NKAIN2: variants seen among roughly 807,000 people sequenced by gnomAD.
The protein encoded by NKAIN2 is sodium/potassium-transporting ATPase subunit beta-1-interacting protein 2.
Under a neutral mutation model 32.6 loss-of-function variants are expected in NKAIN2, and 14 were observed. That is an observed-to-expected ratio of 0.43 (90% CI 0.28 to 0.67). The LOEUF is 0.67. NKAIN2 is among the 30% of genes least tolerant of loss of function. The pLI, the probability that NKAIN2 is intolerant of heterozygous loss-of-function variation, is 0.17. For synonymous variants in NKAIN2, 80 were observed against 87.2 expected, an observed-to-expected ratio of 0.92 and a Z score of 0.46; for missense variants, 198 against 258.3, an observed-to-expected ratio of 0.77 and a Z score of 1.60.
At chr6:124,060,158 C>A (rs1782859739) in intron 1 of NKAIN2, among the ~76,000 whole-genome samples, 1 of 152,120 alleles carries the variant, frequency 6.6e-6, no homozygotes, top group Non-Finnish European at 1.5e-5. Context: ...GCTGTGTGGG[C>A]TAATGGACCA....
intron 3 of NKAIN2, among the ~76,000 whole-genome samples, chr6:124,491,881 C>T (rs1238752613): frequency 6.6e-6 from 1 of 151,804 alleles, no homozygotes; most frequent in Non-Finnish European, 1.5e-5. Flanking sequence ...GAAACAGAAA[C>T]AAGAGTAGTA....
At chr6:124,256,855 G>T (rs1582937106) in intron 1 of NKAIN2, among the ~76,000 whole-genome samples, 1 of 149,102 alleles carries the variant, frequency 6.7e-6, no homozygotes, top group African/African-American at 2.5e-5. Context: ...TTCCTCCTGG[G>T]GTAAACAATG....
chr6:123,829,503 A>C (rs950302188), intron 1 of NKAIN2, among the ~76,000 whole-genome samples: 5 of 152,190 alleles, frequency 3.3e-5, no homozygotes, highest in African/African-American at 1.2e-4. Context: ...AGCTTCCTAC[A>C]TGATGAGTCA....
intron 1 of NKAIN2, among the ~76,000 whole-genome samples, chr6:124,280,899 T>C (rs1242428915): frequency 6.6e-6 from 1 of 152,214 alleles, no homozygotes; most frequent in Admixed American, 6.5e-5. Flanking sequence ...AGAAATATTA[T>C]ATGCAAAGAA....
chr6:124,127,130 T>G (rs1396162330), intron 1 of NKAIN2, among the ~76,000 whole-genome samples: 1 of 152,148 alleles, frequency 6.6e-6, no homozygotes, highest in Non-Finnish European at 1.5e-5. Context: ...GACTTAACAT[T>G]TGGGCATCAG....
chr6:124,708,618 T>C (rs1464466704), intron 4 of NKAIN2, among the ~76,000 whole-genome samples: 1 of 151,038 alleles, frequency 6.6e-6, no homozygotes, highest in African/African-American at 2.4e-5. Context: ...TGAATGGGAG[T>C]TCACTCATGA....
intron 3 of NKAIN2, among the ~76,000 whole-genome samples, chr6:124,566,264 A>T (rs1219277786): frequency 1.3e-5 from 2 of 152,190 alleles, no homozygotes; most frequent in African/African-American, 4.8e-5. Context: ...AAAATCTGGT[A>T]GAGATATTGG....
intron 2 of NKAIN2, among the ~76,000 whole-genome samples, chr6:124,301,529 TG>T (rs1256771386): frequency 6.6e-6 from 1 of 152,122 alleles, no homozygotes; most frequent in African/African-American, 2.4e-5. Context: ...ACTGTGTACC[TG>T]GAAAAGCTGC....
intron 1 of NKAIN2, among the ~76,000 whole-genome samples, chr6:123,998,220 A>T (rs962152235): frequency 2.6e-5 from 4 of 152,172 alleles, no homozygotes; most frequent in Non-Finnish European, 4.4e-5. Context: ...TTAATACAGG[A>T]TTTCTCAGTT....
intron 1 of NKAIN2, among the ~76,000 whole-genome samples, chr6:124,018,987 G>A (rs1780730662): frequency 6.6e-6 from 1 of 152,142 alleles, no homozygotes; most frequent in African/African-American, 2.4e-5. Flanking sequence ...ACATGGCTGG[G>A]GAGGCCTCAC....
intron 3 of NKAIN2, among the ~76,000 whole-genome samples, chr6:124,543,582 G>A (rs1196837180): frequency 6.6e-6 from 1 of 152,102 alleles, no homozygotes; most frequent in African/African-American, 2.4e-5. Flanking sequence ...TAGAAATTTT[G>A]ACTGACACAC....
At chr6:124,447,931 A>G (rs1775960955) in intron 3 of NKAIN2, among the ~76,000 whole-genome samples, 1 of 152,086 alleles carries the variant, frequency 6.6e-6, no homozygotes, top group African/African-American at 2.4e-5. Flanking sequence ...CCTTTGCACT[A>G]GAGTAAATTC....
intron 6 of NKAIN2, among the ~76,000 whole-genome samples, chr6:124,822,732 A>C (rs1018017563): frequency 1.3e-5 from 2 of 152,012 alleles, no homozygotes; most frequent in Non-Finnish European, 2.9e-5. Flanking sequence ...GTTGCTGCAC[A>C]AAAAAAATCC....
chr6:124,806,952 A>C (rs1031430371), intron 5 of NKAIN2, among the ~76,000 whole-genome samples: 1 of 152,212 alleles, frequency 6.6e-6, no homozygotes, highest in Non-Finnish European at 1.5e-5. Context: ...TCCTAAATAT[A>C]TATGCATCCA....
intron 1 of NKAIN2, among the ~76,000 whole-genome samples, chr6:123,906,555 G>T (rs555834128): frequency 6.6e-6 from 1 of 152,140 alleles, no homozygotes; most frequent in South Asian, 2.1e-4. Flanking sequence ...AGCCTCCCAA[G>T]GTGCTGGGAT....
chr6:124,547,332 G>T (rs1275479958), intron 3 of NKAIN2, among the ~76,000 whole-genome samples: 4 of 151,898 alleles, frequency 2.6e-5, no homozygotes, highest in African/African-American at 9.7e-5. Flanking sequence ...AAGTAAAATA[G>T]AAAGAGCATT....
intron 4 of NKAIN2, among the ~76,000 whole-genome samples, chr6:124,711,220 C>T (rs1382763612): frequency 4.2e-5 from 5 of 118,484 alleles, no homozygotes; most frequent in Non-Finnish European, 8.7e-5. Context: ...TGATGGGCTT[C>T]CCTTTGAGGG....
chr6:124,182,357 G>A (rs1427179285), intron 1 of NKAIN2, among the ~76,000 whole-genome samples: 4 of 152,084 alleles, frequency 2.6e-5, no homozygotes, highest in African/African-American at 9.7e-5. Context: ...TGAATAGCTT[G>A]ATAATTACAA....
intron 1 of NKAIN2, among the ~76,000 whole-genome samples, chr6:124,079,976 A>G (rs1783880243): frequency 6.6e-6 from 1 of 151,422 alleles, no homozygotes; most frequent in African/African-American, 2.4e-5. Flanking sequence ...GTCCTCAGAG[A>G]GAAATGGTGG....
Sources: allele counts gnomAD v4.1 joint callset (sites outside exome capture counted in the v4.1 genomes callset), GRCh38; gene constraint gnomAD v4.1.1; transcripts MANE v1.5; gene names NCBI Gene and HGNC (gene_info 2026-07-23, HGNC 2026-07-21).